Variants in PDE1C observed in about 807,000 individuals in gnomAD.
PDE1C encodes phosphodiesterase 1C, also known as dual specificity calcium/calmodulin-dependent 3',5'-cyclic nucleotide phosphodiesterase 1C.
Under a neutral mutation model 93.1 loss-of-function variants are expected in PDE1C, and 62 were observed. That is an observed-to-expected ratio of 0.67 (90% CI 0.54 to 0.82). The LOEUF is 0.82. Ranked by LOEUF, PDE1C falls within the 40% of genes least tolerant of loss-of-function variation. PDE1C has a pLI of 0.00. For missense variants in PDE1C, 742 were observed against 884.6 expected, an observed-to-expected ratio of 0.84 and a Z score of 2.04; for synonymous variants, 325 against 310.1, an observed-to-expected ratio of 1.05 and a Z score of -0.50.
At chr7:31,785,016 A>G (rs1281179103) in intron 16 of PDE1C, 3 of 152,210 alleles carry the variant, frequency 2.0e-5, no homozygotes, top group Admixed American at 2.0e-4. Context: ...AAGACTATAC[A>G]ATGATGTGTC....
At chr7:32,308,096 C>G (rs1309798230) in intron 1 of PDE1C, among the ~76,000 whole-genome samples, 1 of 152,244 alleles carries the variant, frequency 6.6e-6, no homozygotes, top group Non-Finnish European at 1.5e-5. Context: ...GCACATGGCT[C>G]AGAGGGTCCA....
At chr7:31,687,403 G>A in the PDE1C span, 3 of 152,256 alleles carry the variant, frequency 2.0e-5, no homozygotes, top group Admixed American at 1.3e-4. Flanking sequence ...CTGGTGGCAC[G>A]GGGTTGTGCT....
At chr7:31,667,721 A>G in the PDE1C span, among the ~76,000 whole-genome samples, 639 of 152,136 alleles carry the variant, frequency 4.2e-3, 2 homozygotes, top group Non-Finnish European at 7.3e-3. Context: ...TAGGGGTCAT[A>G]TTGTACTGGC....
At chr7:32,053,637 G>A (rs904928307) in intron 1 of PDE1C, among the ~76,000 whole-genome samples, 4 of 152,142 alleles carry the variant, frequency 2.6e-5, no homozygotes, top group African/African-American at 9.7e-5. Context: ...ATCTTCAGAG[G>A]TCAGAAGAAG....
chr7:31,773,195 A>G (rs1357099620), intron 17 of PDE1C, among the ~76,000 whole-genome samples: 1 of 152,164 alleles, frequency 6.6e-6, no homozygotes, highest in East Asian at 1.9e-4. Context: ...ACCTCTGACC[A>G]TCTCTCAAGT....
At chr7:32,209,526 A>G in exon 2 of PDE1C, 1 of 1,568,890 alleles carries the variant, frequency 6.4e-7, no homozygotes. Flanking sequence ...TCTTGTCTCC[A>G]GCTTCATTTG....
At chr7:32,298,814 G>C (rs572867165) in exon 1 of PDE1C, 1 of 1,490,006 alleles carries the variant, frequency 6.7e-7, no homozygotes, top group Non-Finnish European at 8.9e-7. Context: ...TGAGCAGCCC[G>C]GGGCTCGGCG....
intron 17 of PDE1C, 116 bp downstream of exon 17, chr7:31,775,548 G>T: frequency 1.3e-6 from 1 of 794,894 alleles, no homozygotes; most frequent in Non-Finnish European, 2.1e-6. Context: ...CTGATAACGT[G>T]AGTAGACTGG....
chr7:32,144,563 G>T (rs1480959279), intron 3 of PDE1C, among the ~76,000 whole-genome samples: 1 of 152,200 alleles, frequency 6.6e-6, no homozygotes, highest in African/African-American at 2.4e-5. Context: ...GGAAGTAGGG[G>T]AGCCAAACTT....
chr7:31,663,774 A>C, the PDE1C span, among the ~76,000 whole-genome samples: 1 of 152,178 alleles, frequency 6.6e-6, no homozygotes, highest in Non-Finnish European at 1.5e-5. Context: ...CTTGCTTACC[A>C]TGTGCTAATA....
At chr7:31,778,223 T>C (rs1017580060) in intron 16 of PDE1C, among the ~76,000 whole-genome samples, 2 of 152,162 alleles carry the variant, frequency 1.3e-5, no homozygotes, top group Admixed American at 1.3e-4. Context: ...GCCCGTCGCA[T>C]TGTATCTTAC....
chr7:31,778,158 A>T lies in PDE1C; in HGVS notation c.1892-2426T>A, dbSNP rs544704506. Among the ~76,000 whole-genome samples, 200 of 152,300 alleles carry T rather than the reference A, an allele frequency of 1.3e-3. 1 individual carries two copies. Among genetic ancestry groups the T allele is most frequent in the African/African-American group, 4.6e-3 (192 of 41,570 alleles). ...ACACTCCGGGGTGAAAGATTTACGC[A>T]AAGTGATACTCTGTGTCAAAGCCAG... On this transcript the variant is annotated intron_variant, in intron 16 of 17. Coordinates refer to ENST00000396191, the MANE Select transcript of PDE1C (RefSeq NM_001191057.4).
At chr7:32,160,404 G>A (rs1171577103) in intron 3 of PDE1C, among the ~76,000 whole-genome samples, 1 of 152,214 alleles carries the variant, frequency 6.6e-6, no homozygotes, top group Non-Finnish European at 1.5e-5. Context: ...TGACAAAGTT[G>A]CAGCCCTGTT....
intron 1 of PDE1C, among the ~76,000 whole-genome samples, chr7:32,389,308 C>T (rs1784709405): frequency 6.6e-6 from 1 of 152,078 alleles, no homozygotes; most frequent in Non-Finnish European, 1.5e-5. Context: ...ACTCTACCTC[C>T]CAGGTTCAAG....
intron 2 of PDE1C, among the ~76,000 whole-genome samples, chr7:32,176,023 C>T (rs924466021): frequency 1.3e-5 from 2 of 152,200 alleles, no homozygotes; most frequent in African/African-American, 4.8e-5. Flanking sequence ...CTAGTTGTTA[C>T]ATCTTACTGG....
At chr7:31,715,390 C>G in the PDE1C span, among the ~76,000 whole-genome samples, 1 of 152,058 alleles carries the variant, frequency 6.6e-6, no homozygotes, top group African/African-American at 2.4e-5. Context: ...ACATGCCCAG[C>G]GCCACGCCCA....
the PDE1C span, among the ~76,000 whole-genome samples, chr7:31,625,689 G>T: frequency 6.6e-6 from 1 of 152,112 alleles, no homozygotes; most frequent in African/African-American, 2.4e-5. Context: ...GAGTTAGTGG[G>T]TGCAGCGCAC....
intron 1 of PDE1C, among the ~76,000 whole-genome samples, chr7:32,402,997 C>A (rs888088366): frequency 2.0e-5 from 3 of 152,174 alleles, no homozygotes; most frequent in African/African-American, 4.8e-5. Flanking sequence ...CTGCAACATT[C>A]AGGGCAGGAG....
intron 1 of PDE1C, among the ~76,000 whole-genome samples, chr7:32,420,051 C>A (rs1317826087): frequency 7.7e-6 from 1 of 130,304 alleles, no homozygotes; most frequent in African/African-American, 3.0e-5. Flanking sequence ...ATGTCAAAAC[C>A]CTGTCTCTAC....
Sources: gnomAD v4.1 joint callset for allele counts (sites outside exome capture counted in the v4.1 genomes callset) on GRCh38, gnomAD v4.1.1 for gene constraint, MANE v1.5 for transcripts, NCBI Gene and HGNC (gene_info 2026-07-23, HGNC 2026-07-21) for gene names.